Variants in LUC7L2 observed in about 807,000 individuals in gnomAD.
LUC7L2 encodes LUC7 like 2, pre-mRNA splicing factor.
LUC7L2 carries 25 observed loss-of-function variants against 52.8 expected under a neutral mutation model. The observed-to-expected ratio is 0.47, with a 90% CI of 0.34 to 0.66. LUC7L2 has a LOEUF of 0.66. Ranked by LOEUF, LUC7L2 falls within the 30% of genes least tolerant of loss-of-function variation. The pLI, the probability that LUC7L2 is intolerant of heterozygous loss-of-function variation, is 0.01. For missense variants in LUC7L2, 328 were observed against 497.8 expected (o/e 0.66, Z 3.25); for synonymous variants, 144 against 160.9 (o/e 0.89, Z 0.80).
At chr7:139,421,592 G>C (rs1273823632) in intron 9 of LUC7L2, among the ~76,000 whole-genome samples, 4 of 152,162 alleles carry the variant, frequency 2.6e-5, no homozygotes, top group African/African-American at 9.7e-5. Flanking sequence ...TTTAGAAGTG[G>C]TTATTTAAAT....
chr7:139,360,672 A>G (rs1181934453), intron 1 of LUC7L2, among the ~76,000 whole-genome samples: 2 of 151,964 alleles, frequency 1.3e-5, no homozygotes, highest in African/African-American at 4.8e-5. Flanking sequence ...GCGGAAAGCT[A>G]AGGCCTCCAC....
At chr7:139,394,101 G>A (rs527767186) in intron 2 of LUC7L2, among the ~76,000 whole-genome samples, 1 of 152,272 alleles carries the variant, frequency 6.6e-6, no homozygotes, top group African/African-American at 2.4e-5. Flanking sequence ...ACTTAAGAAG[G>A]TAAGGAGTCC....
chr7:139,374,784 A>G, intron 1 of LUC7L2: 2 of 1,137,094 alleles, frequency 1.8e-6, no homozygotes, highest in Non-Finnish European at 1.1e-6. Flanking sequence ...ATCTTACCCC[A>G]TCTAAAAATG....
chr7:139,422,256 A>G lies in LUC7L2; in HGVS notation c.1095A>G (p.Lys365=). Residue 365 remains lysine, a synonymous_variant, in exon 10 of 10, where the codon AAA becomes AAG. Transcript: ENST00000354926. The part of the protein sequence containing the change: ...RDRSPRDRDR[K]DKKRSYESAN... ...GATCACCTCGTGACAGAGATCGGAA[A>G]GATAAGAAGCGGTCCTATGAGAGTG... The G allele has an allele frequency of 6.2e-7, 1 of 1,614,248 alleles. No individual in the cohort carries two copies. The highest frequency in any genetic ancestry group is 8.5e-7 in the Non-Finnish European group (1 of 1,180,036).
intron 1 of LUC7L2, among the ~76,000 whole-genome samples, chr7:139,353,749 C>T (rs777536874): frequency 4.4e-4 from 67 of 151,800 alleles, no homozygotes; most frequent in Non-Finnish European, 8.1e-4. Flanking sequence ...GCCTAGATTG[C>T]GCCACTGCAC....
At chr7:139,399,808 C>G (rs1392220767) in intron 3 of LUC7L2, among the ~76,000 whole-genome samples, 2 of 151,782 alleles carry the variant, frequency 1.3e-5, no homozygotes, top group Admixed American at 1.3e-4. Context: ...AATGAAAAAC[C>G]AAGAAATGGA....
At chr7:139,378,993 C>T (rs977995550) in intron 2 of LUC7L2, among the ~76,000 whole-genome samples, 1 of 152,060 alleles carries the variant, frequency 6.6e-6, no homozygotes, top group African/African-American at 2.4e-5. Flanking sequence ...TGTTGTGTAC[C>T]TAAAGATTGT....
At chr7:139,384,218 G>T (rs540554708) in intron 2 of LUC7L2, among the ~76,000 whole-genome samples, 1 of 152,162 alleles carries the variant, frequency 6.6e-6, no homozygotes, top group Non-Finnish European at 1.5e-5. Context: ...AATTTGAAGA[G>T]ATCTGGATGT....
intron 1 of LUC7L2, among the ~76,000 whole-genome samples, chr7:139,371,140 A>G (rs1390139153): frequency 2.6e-5 from 4 of 152,094 alleles, no homozygotes; most frequent in African/African-American, 9.7e-5. Flanking sequence ...CCCTGCCCCC[A>G]TTTGTAGACA....
At chr7:139,387,489 T>A (rs1369574863) in intron 2 of LUC7L2, among the ~76,000 whole-genome samples, 1 of 152,244 alleles carries the variant, frequency 6.6e-6, no homozygotes, top group Non-Finnish European at 1.5e-5. Context: ...TGAAAATTTT[T>A]ATTTTATTTA....
chr7:139,418,862 A>G (rs1795748014), intron 9 of LUC7L2, among the ~76,000 whole-genome samples: 1 of 152,198 alleles, frequency 6.6e-6, no homozygotes, highest in Non-Finnish European at 1.5e-5. Flanking sequence ...TCACGCTTAT[A>G]ATCCCAGCAC....
upstream of LUC7L2, among the ~76,000 whole-genome samples, chr7:139,357,733 C>T (rs548599835): frequency 3.0e-3 from 456 of 151,692 alleles, 3 homozygotes; most frequent in African/African-American, 0.011. Context: ...TCACACTCAC[C>T]AGGGCTGGAG....
Position 139,423,213 on chromosome 7 carries a change from G to A in LUC7L2, c.*873G>A. On this transcript the variant is annotated 3_prime_UTR_variant, in exon 10 of 10. Coordinates refer to ENST00000354926, the MANE Select transcript of LUC7L2 (RefSeq NM_016019.5). ...TTGTCACTAGAACTATTTGCTGTGG[G>A]CATTTCCTCTATTCTGTTACGTCAT... The A allele has an allele frequency of 5.0e-6, 2 of 398,950 alleles. No individual in the cohort carries two copies. The highest frequency in any genetic ancestry group is 7.1e-5 in the East Asian group (2 of 28,068). 24.7% of individuals were successfully genotyped at this position (398,950 alleles called of 1,614,324 possible). A position where few individuals can be genotyped will look rare whatever the true frequency, so the allele number is the denominator to read the frequency against.
chr7:139,407,042 G>C, intron 5 of LUC7L2, 132 bp from the exon 6 acceptor site: 2 of 402,788 alleles, frequency 5.0e-6, no homozygotes, highest in Non-Finnish European at 3.3e-6. Flanking sequence ...TCTCGCCCCA[G>C]TGAGCCACCG....
intron 1 of LUC7L2, among the ~76,000 whole-genome samples, chr7:139,343,189 A>G (rs1370159846): frequency 1.3e-5 from 2 of 152,166 alleles, no homozygotes; most frequent in Non-Finnish European, 2.9e-5. Flanking sequence ...AAATTCCACA[A>G]ATTTGGGCTT....
chr7:139,352,853 A>G (rs1427192484), intron 1 of LUC7L2, among the ~76,000 whole-genome samples: 1 of 152,254 alleles, frequency 6.6e-6, no homozygotes, highest in Non-Finnish European at 1.5e-5. Context: ...GTTTTAATTT[A>G]TCCAACTAAA....
At chr7:139,420,202 G>GTAA (rs1795827682) in intron 9 of LUC7L2, among the ~76,000 whole-genome samples, 1 of 152,030 alleles carries the variant, frequency 6.6e-6, no homozygotes, top group Non-Finnish European at 1.5e-5. Context: ...TTTAGGCTAA[G>GTAA]TAATTTATTT....
At chr7:139,357,432 TA>T (rs763155412), upstream of LUC7L2, among the ~76,000 whole-genome samples, 1 of 151,808 alleles carries the variant, frequency 6.6e-6, no homozygotes, top group Non-Finnish European at 1.5e-5. Flanking sequence ...ACATCTAAAA[TA>T]AAAAAAAGAA....
chr7:139,367,206 A>C (rs1259967594), intron 1 of LUC7L2, among the ~76,000 whole-genome samples: 1 of 152,136 alleles, frequency 6.6e-6, no homozygotes, highest in South Asian at 2.1e-4. Context: ...TCCTGACCTC[A>C]AGTGATCTAC....
Sources: gnomAD v4.1 joint callset for allele counts (sites outside exome capture counted in the v4.1 genomes callset) on GRCh38, gnomAD v4.1.1 for gene constraint, MANE v1.5 for transcripts, NCBI Gene and HGNC (gene_info 2026-07-23, HGNC 2026-07-21) for gene names.